The following JAK2 variants were observed in gnomAD, a reference collection of about 807,000 sequenced individuals.
The protein encoded by JAK2 is tyrosine-protein kinase JAK2.
Under a neutral mutation model 139.3 loss-of-function variants are expected in JAK2, and 86 were observed. The ratio of observed to expected loss-of-function variants is 0.62; its 90% confidence interval spans 0.52 to 0.74. JAK2 has a LOEUF of 0.74. Ranked by LOEUF, JAK2 falls within the 30% of genes least tolerant of loss-of-function variation. The pLI, the probability that JAK2 is intolerant of heterozygous loss-of-function variation, is 0.00. For synonymous variants in JAK2, 490 were observed against 437.7 expected, an observed-to-expected ratio of 1.12 and a Z score of -1.49; for missense variants, 1,421 against 1,360.3, an observed-to-expected ratio of 1.04 and a Z score of -0.70.
chr9:5,092,595 G>A (rs960337876), intron 22 of JAK2, among the ~76,000 whole-genome samples: 9 of 152,096 alleles, frequency 5.9e-5, no homozygotes, highest in East Asian at 1.9e-4. Flanking sequence ...ATACAGTACC[G>A]TAAGGGAAAG....
chr9:5,054,791 TGAG>T lies in JAK2; in HGVS notation c.847_849del (p.Glu283del), dbSNP rs756672543. On this transcript the variant is annotated inframe_deletion, in exon 7 of 25. Coordinates refer to ENST00000381652, the MANE Select transcript of JAK2 (RefSeq NM_004972.4). This position sits in a 1 kb window ranked among gnomAD's most constrained non-coding sequence, Gnocchi z 4.9. ...AAGAACCTGGAAGTGGTCCTTCAGGTGAGGAGATTTTTGCAACCATTATAATAA... is the reference window on the plus strand; with the variant it reads ...AAGAACCTGGAAGTGGTCCTTCAGGTGAGATTTTTGCAACCATTATAATAA... The T allele has an allele frequency of 2.9e-5, 46 of 1,612,900 alleles. No homozygotes were observed. Among genetic ancestry groups the T allele is most frequent in the Admixed American group, 5.0e-5 (3 of 59,910 alleles).
In JAK2 at chr9:5,128,080, T is replaced by TTGTGTGTGTGTGTGTGTG. The variant is rs139964957; in HGVS notation, c.*1313_*1330dup. 6 of 215,766 alleles carry TTGTGTGTGTGTGTGTGTG rather than the reference T, an allele frequency of 2.8e-5. No individual in the cohort carries two copies. Among genetic ancestry groups the TTGTGTGTGTGTGTGTGTG allele is most frequent in the African/African-American group, 1.4e-4 (6 of 42,776 alleles). 13.4% of individuals were successfully genotyped at this position (215,766 alleles called of 1,614,324 possible). A position where few individuals can be genotyped will look rare whatever the true frequency, so the allele number is the denominator to read the frequency against. Reference sequence around the variant, plus strand: ...TAGCTAAAATAAAATATGGTGGGTTTTGTGTGTGTGTGTGTGTGTGTGTGT... The same window carrying TTGTGTGTGTGTGTGTGTG: ...TAGCTAAAATAAAATATGGTGGGTTTTGTGTGTGTGTGTGTGTGTGTGTGTGTGTGTGTGTGTGTGTGT... On this transcript the variant is annotated 3_prime_UTR_variant, in exon 25 of 25. Coordinates refer to ENST00000381652, the MANE Select transcript of JAK2 (RefSeq NM_004972.4).
chr9:5,081,986 G>A (rs989844813), intron 19 of JAK2, 125 bp downstream of exon 19: 133 of 776,104 alleles, frequency 1.7e-4, no homozygotes, highest in Admixed American at 3.9e-4. Flanking sequence ...AGGTTTGGTT[G>A]TCAGATGTTG....
intron 19 of JAK2, chr9:5,085,298 A>T: frequency 1.4e-6 from 1 of 723,494 alleles, no homozygotes; most frequent in Admixed American, 1.8e-5. Flanking sequence ...TTAGAACATG[A>T]GGTGAAGTCG....
At chr9:5,025,073 G>T (rs1180593790) in intron 3 of JAK2, among the ~76,000 whole-genome samples, 1 of 152,124 alleles carries the variant, frequency 6.6e-6, no homozygotes, top group African/African-American at 2.4e-5. Context: ...GCATTTATCT[G>T]ATTGCTGCAT....
At chr9:5,034,562 C>G (rs993425746) in intron 4 of JAK2, among the ~76,000 whole-genome samples, 3 of 151,860 alleles carry the variant, frequency 2.0e-5, no homozygotes, top group Admixed American at 2.0e-4. Flanking sequence ...TGCAATCAAA[C>G]TAGAACTCAG....
At chr9:5,092,381 T>G (rs1024884196) in intron 22 of JAK2, among the ~76,000 whole-genome samples, 1 of 152,156 alleles carries the variant, frequency 6.6e-6, no homozygotes, top group Non-Finnish European at 1.5e-5. Flanking sequence ...ATATGGTAAG[T>G]GTACTGGAAA....
chr9:5,037,393 A>C (rs75032480), intron 4 of JAK2, among the ~76,000 whole-genome samples: 33,961 of 151,846 alleles, frequency 0.22, 4,354 homozygotes, highest in South Asian at 0.31. Context: ...TGCTGCTATA[A>C]AGACACATGC....
chr9:5,081,468 T>C (rs1267590056), intron 18 of JAK2, among the ~76,000 whole-genome samples: 1 of 152,200 alleles, frequency 6.6e-6, no homozygotes, highest in African/African-American at 2.4e-5. Context: ...TATCAGTATA[T>C]TACCTTACTT....
intron 2 of JAK2, among the ~76,000 whole-genome samples, chr9:4,997,310 C>T (rs189468313): frequency 2.0e-5 from 3 of 152,240 alleles, no homozygotes; most frequent in Non-Finnish European, 2.9e-5. Flanking sequence ...TTAATTGGCT[C>T]ATGGTTCTGC....
In JAK2 at chr9:5,021,948, T is replaced by A; in HGVS notation, c.-25-15T>A. 6.7e-7 allele frequency: 1 copy of A among 1,482,494 alleles called. No homozygotes were observed. The highest frequency in any genetic ancestry group is 1.1e-5 in the South Asian group (1 of 87,554). 91.8% of individuals were successfully genotyped at this position (1,482,494 alleles called of 1,614,324 possible). The stretch of plus-strand genomic sequence containing the variant: ...GCGCCCAGCCCATTTGTAACTTTAT[T>A]GTTTTCTCTTACAGGCAAATGTTCT... On this transcript the variant is annotated splice_polypyrimidine_tract_variant and intron_variant, in intron 2 of 24. Coordinates refer to ENST00000381652, the MANE Select transcript of JAK2 (RefSeq NM_004972.4).
intron 19 of JAK2, among the ~76,000 whole-genome samples, chr9:5,087,183 G>C (rs1820191425): frequency 6.6e-6 from 1 of 152,214 alleles, no homozygotes; most frequent in Non-Finnish European, 1.5e-5. Flanking sequence ...ATAAAGGAAA[G>C]AGGTTTAATT....
chr9:5,088,915 G>A (rs925254666), intron 19 of JAK2, among the ~76,000 whole-genome samples: 2 of 152,164 alleles, frequency 1.3e-5, no homozygotes, highest in South Asian at 4.1e-4. Flanking sequence ...GGGGGTTAAG[G>A]CTTCATTATA....
chr9:5,117,802 C>A (rs1334735835), intron 22 of JAK2, among the ~76,000 whole-genome samples: 1 of 152,076 alleles, frequency 6.6e-6, no homozygotes, highest in Non-Finnish European at 1.5e-5. Context: ...AGCCTGAGAT[C>A]AAAAGCTTTG....
chr9:5,122,711 TAA>T (rs1339402282), intron 22 of JAK2, among the ~76,000 whole-genome samples: 1 of 151,952 alleles, frequency 6.6e-6, no homozygotes, highest in Non-Finnish European at 1.5e-5. Flanking sequence ...TGGCACATAC[TAA>T]AGTTACATAC....
chr9:5,119,241 T>A (rs894523028), intron 22 of JAK2, among the ~76,000 whole-genome samples: 1 of 152,216 alleles, frequency 6.6e-6, no homozygotes, highest in Admixed American at 6.5e-5. Flanking sequence ...AGTCACTAAA[T>A]ATATTAATAA....
intron 4 of JAK2, 82 bp from the exon 5 acceptor site, chr9:5,044,321 A>G: frequency 1.2e-6 from 1 of 809,218 alleles, no homozygotes; most frequent in Non-Finnish European, 2.1e-6. Context: ...ACCTTTCAGT[A>G]TGCTGTAGGT....
intron 4 of JAK2, among the ~76,000 whole-genome samples, chr9:5,035,772 T>G (rs528724814): frequency 2.6e-5 from 4 of 152,272 alleles, no homozygotes; most frequent in African/African-American, 9.6e-5. Context: ...ACAGCCAATA[T>G]CATACTGAAT....
chr9:5,041,730 C>T, intron 4 of JAK2: 2 of 493,910 alleles, frequency 4.0e-6, no homozygotes, highest in Non-Finnish European at 8.1e-6. Flanking sequence ...GCTCGGGAAG[C>T]CCTTGGCGAC....
Sources: allele counts gnomAD v4.1 joint callset (sites outside exome capture counted in the v4.1 genomes callset), GRCh38; gene constraint gnomAD v4.1.1; non-coding constraint Gnocchi (gnomAD v3.1); transcripts MANE v1.5; gene names NCBI Gene and HGNC (gene_info 2026-07-23, HGNC 2026-07-21).